Variants in WHRN observed in about 807,000 individuals in gnomAD.
WHRN encodes CASK-interacting protein CIP98.
WHRN carries 41 observed loss-of-function variants against 68.3 expected under a neutral mutation model. That is an observed-to-expected ratio of 0.60 (90% CI 0.47 to 0.78). The LOEUF is 0.78. Among genes scored for constraint, WHRN ranks in the 30% least tolerant of loss-of-function variants. WHRN has a pLI of 0.00. For missense variants in WHRN, 1,243 were observed against 1,244.7 expected, an observed-to-expected ratio of 1.00 and a Z score of 0.02; for synonymous variants, 560 against 561.3, an observed-to-expected ratio of 1.00 and a Z score of 0.03.
chr9:114,413,326 C>T (rs1269763610), intron 7 of WHRN, among the ~76,000 whole-genome samples: 5 of 152,152 alleles, frequency 3.3e-5, no homozygotes, highest in Non-Finnish European at 5.9e-5. Flanking sequence ...AGGGCAAGTC[C>T]GGTGGCACGG....
Position 114,494,440 on chromosome 9 carries a change from A to C in WHRN, c.618+9744T>G, listed in dbSNP as rs1267198552. ...AGAGAAGGTAAGTAACTTGTCTGCTACTTTACTATTATTCCCATTACAATT... is the reference window on the plus strand; with the variant it reads ...AGAGAAGGTAAGTAACTTGTCTGCTCCTTTACTATTATTCCCATTACAATT... On this transcript the variant is annotated intron_variant, in intron 1 of 11. Transcript: ENST00000362057. Among the ~76,000 whole-genome samples the C allele has an allele frequency of 2.6e-5, 4 of 152,336 alleles. No homozygotes were observed. The East Asian group carries it at 5.8e-4, about 22-fold the overall frequency.
chr9:114,436,967 C>T (rs116393196), intron 3 of WHRN, among the ~76,000 whole-genome samples: 11 of 152,026 alleles, frequency 7.2e-5, no homozygotes, highest in Admixed American at 7.2e-4. Flanking sequence ...ATAAAATGCA[C>T]GAATGGCTAT....
chr9:114,435,326 GTCCCCTCCCCATT>G (rs1387376920), intron 3 of WHRN, among the ~76,000 whole-genome samples: 1 of 152,168 alleles, frequency 6.6e-6, no homozygotes, highest in African/African-American at 2.4e-5. Context: ...AAACAAGCTA[GTCCCCTCCCCATT>G]CTGGTTCCTG....
At chr9:114,474,400 C>A (rs1841482786) in intron 2 of WHRN, among the ~76,000 whole-genome samples, 1 of 152,152 alleles carries the variant, frequency 6.6e-6, no homozygotes, top group Non-Finnish European at 1.5e-5. Context: ...CCCAGCAAGT[C>A]TCTGTTGTCT....
chr9:114,434,116 A>C (rs1310902690), intron 3 of WHRN, among the ~76,000 whole-genome samples: 4 of 131,322 alleles, frequency 3.0e-5, no homozygotes, highest in Non-Finnish European at 4.8e-5. Context: ...ACAGAGGTCA[A>C]ACACAGAAAG....
intron 1 of WHRN, among the ~76,000 whole-genome samples, chr9:114,492,032 G>A (rs1452241899): frequency 6.9e-6 from 1 of 144,060 alleles, no homozygotes; most frequent in Non-Finnish European, 1.5e-5. Context: ...AAAAAAAAGA[G>A]CTTAACTTCA....
chr9:114,404,273 C>G (rs750016745), intron 9 of WHRN, among the ~76,000 whole-genome samples, 196 bp from the exon 10 acceptor site: 1 of 152,234 alleles, frequency 6.6e-6, no homozygotes, highest in Non-Finnish European at 1.5e-5. Flanking sequence ...CAAGACCTGT[C>G]CTTTCAACCA....
At chr9:114,434,904 A>G (rs1050034028) in intron 3 of WHRN, among the ~76,000 whole-genome samples, 2 of 151,822 alleles carry the variant, frequency 1.3e-5, no homozygotes, top group African/African-American at 4.8e-5. Context: ...TTCCTCCCCT[A>G]CTGCTTTTTT....
chr9:114,426,450 G>A, intron 3 of WHRN, 37 bp from the exon 4 acceptor site: 1 of 1,611,684 alleles, frequency 6.2e-7, no homozygotes, highest in Non-Finnish European at 8.5e-7. Context: ...CACCTGGGCT[G>A]TTTGCAGGAT....
chr9:114,484,523 C>T (rs994684222), intron 1 of WHRN, among the ~76,000 whole-genome samples: 2 of 152,232 alleles, frequency 1.3e-5, no homozygotes, highest in East Asian at 1.9e-4. Flanking sequence ...CAATGAGCTA[C>T]GGCTGAAAAG....
At chr9:114,445,979 T>C (rs558119122) in intron 3 of WHRN, among the ~76,000 whole-genome samples, 14 of 152,298 alleles carry the variant, frequency 9.2e-5, no homozygotes, top group Admixed American at 2.6e-4. Flanking sequence ...GTTGTACCCA[T>C]AAGTTTTTAT....
chr9:114,403,437 C>G, intron 10 of WHRN, 98 bp from the exon 11 acceptor site: 1 of 1,522,792 alleles, frequency 6.6e-7, no homozygotes, highest in Non-Finnish European at 9.1e-7. Context: ...GTCAGCAGAG[C>G]TCAGGCTCCA....
intron 7 of WHRN, among the ~76,000 whole-genome samples, chr9:114,412,896 C>T (rs1835551277): frequency 6.6e-6 from 1 of 152,232 alleles, no homozygotes; most frequent in South Asian, 2.1e-4. Context: ...TCCCTCCTAG[C>T]CCTTCTCCTC....
At chr9:114,490,529 A>T (rs1027183130) in intron 1 of WHRN, among the ~76,000 whole-genome samples, 7 of 147,376 alleles carry the variant, frequency 4.7e-5, no homozygotes, top group South Asian at 4.5e-4. Context: ...AGTTTTTTTT[A>T]AAAAAGATAT....
In WHRN at chr9:114,504,358, G is replaced by C; in HGVS notation, c.444C>G (p.Ala148=). 6.2e-7 allele frequency: 1 copy of C among 1,608,096 alleles called. No homozygotes were observed. The highest frequency in any genetic ancestry group is 1.3e-5 in the African/African-American group (1 of 75,068). Residue 148 remains alanine (A), a synonymous_variant, in exon 1 of 12, where the codon GCC becomes GCG. Transcript: ENST00000362057. ...VRLVSLRRAK[A]HEGLGFSIRG... is the part of the protein sequence containing the mutation. ...GGATGCTGAAGCCCAAGCCCTCGTG[G>C]GCCTTGGCACGCCGCAAACTCACCA...
chr9:114,405,749 A>G (rs1035851224), intron 9 of WHRN, among the ~76,000 whole-genome samples: 6 of 152,230 alleles, frequency 3.9e-5, no homozygotes, highest in African/African-American at 1.2e-4. Context: ...CTGTAGCCGC[A>G]AGATGGCAGC....
chr9:114,426,267 G>C lies in WHRN; in HGVS notation c.1110C>G (p.Asp370Glu). Residue 370 changes from aspartate (D) to glutamate (E), a missense_variant, in exon 4 of 12, where the codon GAC (aspartate) becomes GAG (glutamate). Coordinates refer to ENST00000362057, the MANE Select transcript of WHRN (RefSeq NM_015404.4). The part of the protein sequence containing the change: ...GRLPHARTTV[D>E]ETKWIASSRI... ...GGGAACTGGCGATCCACTTGGTCTC[G>C]TCCACAGTGGTGCGGGCATGGGGCA... is the stretch of plus-strand genomic sequence containing the variant. 1.2e-6 allele frequency: 2 copies of C among 1,613,102 alleles called. No homozygotes were observed. Among genetic ancestry groups the C allele is most frequent in the Non-Finnish European group, 8.5e-7 (1 of 1,180,042 alleles).
chr9:114,504,503 C>A lies in WHRN; in HGVS notation c.299G>T (p.Arg100Leu). The change falls in exon 1 of 12, where the codon CGC (arginine) becomes CTC (leucine). Residue 100 changes from arginine to leucine, a missense_variant. Transcript: ENST00000362057. Reference sequence around the variant, plus strand: ...TTGGTCGAAGAGCAGCTGGTCGGAGCGCGGGATGACCAGACGAAGCATGGG... The same window carrying A: ...TTGGTCGAAGAGCAGCTGGTCGGAGAGCGGGATGACCAGACGAAGCATGGG... The part of the protein sequence containing the change: ...LLPMLRLVIP[R>L]SDQLLFDQYT... 1 of 1,609,214 alleles carries A rather than the reference C, an allele frequency of 6.2e-7. No homozygotes were observed. Among genetic ancestry groups the A allele is most frequent in the Non-Finnish European group, 8.5e-7 (1 of 1,179,784 alleles).
intron 7 of WHRN, among the ~76,000 whole-genome samples, chr9:114,409,837 T>A (rs546693028): frequency 9.9e-5 from 15 of 151,940 alleles, no homozygotes; most frequent in African/African-American, 3.4e-4. Flanking sequence ...CCACTCCACC[T>A]TGCTTTATTT....
Sources: gnomAD v4.1 joint callset for allele counts (sites outside exome capture counted in the v4.1 genomes callset) on GRCh38, gnomAD v4.1.1 for gene constraint, MANE v1.5 for transcripts, NCBI Gene and HGNC (gene_info 2026-07-23, HGNC 2026-07-21) for gene names.